Variants in CNNM2 observed in about 807,000 individuals in gnomAD.
CNNM2 encodes the protein cyclin and CBS domain divalent metal cation transport mediator 2, also known as metal transporter CNNM2.
Under a neutral mutation model 66.9 loss-of-function variants are expected in CNNM2, and 12 were observed. The observed-to-expected ratio is 0.18, with a 90% CI of 0.11 to 0.29. The LOEUF is 0.29. Among genes scored for constraint, CNNM2 ranks in the 10% least tolerant of loss-of-function variants. The probability of loss-of-function intolerance (pLI) is 1.00; values close to 1 mark genes in which losing one functional copy is unlikely to be tolerated. For synonymous variants in CNNM2, 557 were observed against 501.8 expected (o/e 1.11, Z -1.47); for missense variants, 705 against 1,167.7 (o/e 0.60, Z 5.77).
At position 103,049,868 on chromosome 10, in the gene CNNM2, A is replaced by T; in HGVS notation, c.1765+18A>T. The T allele has an allele frequency of 1.2e-6, 2 of 1,609,168 alleles. No individual in the cohort carries two copies. The highest frequency in any genetic ancestry group is 1.7e-6 in the Non-Finnish European group (2 of 1,177,102). On this transcript the variant is annotated intron_variant, in intron 2 of 7. Transcript: ENST00000369878. Reference sequence around the variant, plus strand: ...TTTATACAGTAAGTAGCATTGTCTGAGTGTATTTCCCGAAACCTTTGCTTT... The same window carrying T: ...TTTATACAGTAAGTAGCATTGTCTGTGTGTATTTCCCGAAACCTTTGCTTT...
intron 1 of CNNM2, among the ~76,000 whole-genome samples, chr10:102,921,663 T>C (rs186128026): frequency 1.4e-3 from 214 of 152,354 alleles, no homozygotes; most frequent in Non-Finnish European, 2.5e-3. Flanking sequence ...TCTTTCATTT[T>C]GCAGTAATAT....
chr10:102,961,654 T>A (rs968325243), intron 1 of CNNM2, among the ~76,000 whole-genome samples: 1 of 152,182 alleles, frequency 6.6e-6, no homozygotes, highest in Non-Finnish European at 1.5e-5. Context: ...TGTGAAACTC[T>A]TGTTTTGAAA....
intron 1 of CNNM2, among the ~76,000 whole-genome samples, chr10:102,926,538 C>T (rs1845866182): frequency 6.6e-6 from 1 of 151,870 alleles, no homozygotes; most frequent in South Asian, 2.1e-4. Context: ...GTGGGTTTTC[C>T]TGCTTTTACT....
intron 5 of CNNM2, among the ~76,000 whole-genome samples, chr10:103,069,224 T>C (rs2065532214): frequency 6.6e-6 from 1 of 152,254 alleles, no homozygotes; most frequent in Non-Finnish European, 1.5e-5. Context: ...CTTTCATTGC[T>C]GATAGACATT....
At chr10:103,060,583 A>G (rs2065368597) in intron 4 of CNNM2, among the ~76,000 whole-genome samples, 2 of 152,226 alleles carry the variant, frequency 1.3e-5, no homozygotes, top group African/African-American at 2.4e-5. Flanking sequence ...AGAAAAGGTC[A>G]TATATTAAAA....
intron 1 of CNNM2, among the ~76,000 whole-genome samples, chr10:103,014,294 T>C (rs1030447171): frequency 6.6e-6 from 1 of 152,246 alleles, no homozygotes; most frequent in African/African-American, 2.4e-5. Context: ...GTATCAGTGA[T>C]ACTAACGATG....
chr10:103,029,793 G>T (rs1165298890), intron 1 of CNNM2, among the ~76,000 whole-genome samples: 2 of 151,918 alleles, frequency 1.3e-5, no homozygotes, highest in African/African-American at 4.8e-5. Context: ...TTGAACCTGG[G>T]AGGCGGAGGT....
chr10:103,038,249 C>T (rs954233327), intron 1 of CNNM2, among the ~76,000 whole-genome samples: 3 of 152,162 alleles, frequency 2.0e-5, no homozygotes, highest in African/African-American at 7.2e-5. Context: ...AATCTGAGAA[C>T]CACCTAGATT....
intron 1 of CNNM2, among the ~76,000 whole-genome samples, chr10:103,033,141 CAG>C (rs1437270679): frequency 1.3e-5 from 2 of 150,156 alleles, no homozygotes; most frequent in African/African-American, 4.9e-5. Flanking sequence ...AAAAGAAAAA[CAG>C]AAAAACTAAT....
At chr10:102,961,562 A>G (rs1263993046) in intron 1 of CNNM2, among the ~76,000 whole-genome samples, 2 of 152,172 alleles carry the variant, frequency 1.3e-5, no homozygotes, top group Non-Finnish European at 2.9e-5. Context: ...GGGGAATTTT[A>G]CATTGTTTTT....
rs1290165806 is a variant in CNNM2, at chr10:103,089,250, C to T, written c.*12070C>T. ...CACTGATATACAATACCATGTAATG[C>T]ACTGGAAAAGTTGGACCTTGGAGTA... On this transcript the variant is annotated 3_prime_UTR_variant, in exon 8 of 8. Transcript: ENST00000369878. 9.0e-6 allele frequency: 2 copies of T among 222,378 alleles called. No individual in the cohort carries two copies. The highest frequency in any genetic ancestry group is 1.8e-5 in the Non-Finnish European group (2 of 111,568). 13.8% of individuals were successfully genotyped at this position (222,378 alleles called of 1,614,324 possible). A position where few individuals can be genotyped will look rare whatever the true frequency, so the allele number is the denominator to read the frequency against.
At position 103,065,068 on chromosome 10, in the gene CNNM2, T is replaced by C. The variant is rs148494894; in HGVS notation, c.2074-3561T>C. Among the ~76,000 whole-genome samples the C allele has an allele frequency of 5.7e-3, 869 of 152,084 alleles. 4 individuals are homozygous for C. Among genetic ancestry groups the C allele is most frequent in the Middle Eastern group, 0.031 (9 of 294 alleles). ...ATGGCAGATCCTCCCCTGCCTGGGA[T>C]CCTGTCTGGAAGGACAGAGGAAGCA... On this transcript the variant is annotated intron_variant, in intron 4 of 7. Coordinates refer to ENST00000369878, the MANE Select transcript of CNNM2 (RefSeq NM_017649.5).
intron 1 of CNNM2, among the ~76,000 whole-genome samples, chr10:102,929,266 G>GA (rs892362564): frequency 6.6e-6 from 1 of 151,432 alleles, no homozygotes; most frequent in Non-Finnish European, 1.5e-5. Context: ...CTCAAAACAA[G>GA]AAAAAAAAGA....
rs4917381 is a variant in CNNM2 at position 103,066,575 on chromosome 10, A to C, written c.2074-2054A>C. Among the ~76,000 whole-genome samples, 152,072 of 152,322 alleles carry C rather than the reference A, an allele frequency of 1. 75,911 individuals are homozygous for C. The highest frequency in any genetic ancestry group is 1 in the Middle Eastern group (294 of 294). On this transcript the variant is annotated intron_variant, in intron 4 of 7. Transcript: ENST00000369878. ...TGTGCCCTCACTCCTCCCTGCAAACACAGAGCCTGGCCGGCCGCTGCCGCC... is the reference window on the plus strand; with the variant it reads ...TGTGCCCTCACTCCTCCCTGCAAACCCAGAGCCTGGCCGGCCGCTGCCGCC...
At chr10:103,029,441 G>T (rs2064778908) in intron 1 of CNNM2, among the ~76,000 whole-genome samples, 1 of 152,034 alleles carries the variant, frequency 6.6e-6, no homozygotes, top group African/African-American at 2.4e-5. Context: ...TCCAGCCTGG[G>T]TGACAGAGCA....
intron 1 of CNNM2, among the ~76,000 whole-genome samples, chr10:102,931,356 CTT>C (rs66613815): frequency 0.43 from 51,317 of 119,500 alleles, 10,011 homozygotes; most frequent in East Asian, 0.57. Context: ...TTCCTTCTTT[CTT>C]TTTTTTTTTT....
chr10:102,926,249 A>G (rs1845855842), intron 1 of CNNM2, among the ~76,000 whole-genome samples: 2 of 152,330 alleles, frequency 1.3e-5, no homozygotes, highest in South Asian at 4.1e-4. Flanking sequence ...GCTGATTTGT[A>G]GAAGTTATTG....
intron 1 of CNNM2, among the ~76,000 whole-genome samples, chr10:102,941,244 T>C (rs948470366): frequency 6.6e-6 from 1 of 151,264 alleles, no homozygotes; most frequent in Admixed American, 6.6e-5. Context: ...TACAGTAATA[T>C]GATATTGTCT....
chr10:102,958,392 A>G (rs1207476265), intron 1 of CNNM2, among the ~76,000 whole-genome samples: 2 of 149,644 alleles, frequency 1.3e-5, no homozygotes, highest in Non-Finnish European at 3.0e-5. Flanking sequence ...TTCATCTTTT[A>G]AAACCATCCT....
Sources: allele counts gnomAD v4.1 joint callset (sites outside exome capture counted in the v4.1 genomes callset), GRCh38; gene constraint gnomAD v4.1.1; transcripts MANE v1.5; gene names NCBI Gene and HGNC (gene_info 2026-07-23, HGNC 2026-07-21).